The following THSD7B variants were observed in gnomAD, a reference collection of about 807,000 sequenced individuals.
THSD7B encodes thrombospondin type-1 domain-containing protein 7B.
Under a neutral mutation model 213.6 loss-of-function variants are expected in THSD7B, and 138 were observed. The ratio of observed to expected loss-of-function variants is 0.65; its 90% CI spans 0.56 to 0.74. THSD7B has a LOEUF of 0.74. THSD7B is among the 30% of genes least tolerant of loss of function. The pLI, the probability that THSD7B is intolerant of heterozygous loss-of-function variation, is 0.00. For synonymous variants in THSD7B, 742 were observed against 687.0 expected, an observed-to-expected ratio of 1.08 and a Z score of -1.25; for missense variants, 1,931 against 1,991.5, an observed-to-expected ratio of 0.97 and a Z score of 0.58.
chr2:137,521,061 G>A (rs1680174896), intron 15 of THSD7B, among the ~76,000 whole-genome samples: 2 of 152,142 alleles, frequency 1.3e-5, no homozygotes, highest in Non-Finnish European at 2.9e-5. Context: ...CTGCTTGGTA[G>A]TATCACCGGA....
At chr2:137,625,464 T>G (rs1682606886) in intron 20 of THSD7B, among the ~76,000 whole-genome samples, 1 of 135,124 alleles carries the variant, frequency 7.4e-6, no homozygotes, top group Non-Finnish European at 1.5e-5. Context: ...CCCTAGAACT[T>G]GAAGTATAAT....
chr2:137,142,977 T>A (rs925735136), intron 5 of THSD7B, among the ~76,000 whole-genome samples: 2 of 152,172 alleles, frequency 1.3e-5, no homozygotes, highest in African/African-American at 4.8e-5. Flanking sequence ...TATTTCAATG[T>A]TGAACTATCC....
chr2:137,093,222 C>G (rs1293857702), intron 3 of THSD7B, among the ~76,000 whole-genome samples: 2 of 151,788 alleles, frequency 1.3e-5, no homozygotes, highest in East Asian at 3.9e-4. Flanking sequence ...GACAGGAAGC[C>G]CTTCCAGAGC....
chr2:137,673,830 A>C (rs1683634792), intron 27 of THSD7B, among the ~76,000 whole-genome samples: 2 of 152,164 alleles, frequency 1.3e-5, no homozygotes, highest in South Asian at 4.1e-4. Context: ...AACTTCTCAG[A>C]TCTCATGTAT....
chr2:137,434,161 C>T (rs971111588), intron 14 of THSD7B, among the ~76,000 whole-genome samples: 1 of 152,194 alleles, frequency 6.6e-6, no homozygotes, highest in Non-Finnish European at 1.5e-5. Context: ...GGCACTGATA[C>T]ATTAATCAAC....
intron 12 of THSD7B, among the ~76,000 whole-genome samples, chr2:137,391,885 A>G (rs963760139): frequency 8.5e-5 from 13 of 152,158 alleles, no homozygotes; most frequent in Non-Finnish European, 1.3e-4. Context: ...ATTTAATGCT[A>G]CAGACTTCTT....
chr2:137,132,368 A>G (rs1688752917), intron 5 of THSD7B, among the ~76,000 whole-genome samples: 1 of 148,914 alleles, frequency 6.7e-6, no homozygotes, highest in Admixed American at 6.7e-5. Flanking sequence ...AGGGTATTCA[A>G]TTTTTTTTTT....
chr2:137,258,882 G>T (rs2105080481), intron 10 of THSD7B, among the ~76,000 whole-genome samples: 1 of 151,254 alleles, frequency 6.6e-6, no homozygotes, highest in East Asian at 1.9e-4. Flanking sequence ...TCCCTCCCCT[G>T]TGTCCATGTG....
At chr2:137,471,596 G>T (rs959590303) in intron 15 of THSD7B, among the ~76,000 whole-genome samples, 8 of 151,924 alleles carry the variant, frequency 5.3e-5, no homozygotes, top group African/African-American at 1.9e-4. Context: ...CTACTCCTCA[G>T]GTCTAGGGGT....
intron 3 of THSD7B, among the ~76,000 whole-genome samples, chr2:137,062,294 T>C (rs1232543329): frequency 6.6e-6 from 1 of 151,678 alleles, no homozygotes; most frequent in Non-Finnish European, 1.5e-5. Flanking sequence ...GCTTTTGGTT[T>C]TGTTGATTTT....
intron 2 of THSD7B, among the ~76,000 whole-genome samples, chr2:136,978,720 G>A (rs1341273224): frequency 6.6e-6 from 1 of 152,198 alleles, no homozygotes; most frequent in Admixed American, 6.5e-5. Flanking sequence ...GCACACTGAT[G>A]GGTCTTGACT....
intron 17 of THSD7B, among the ~76,000 whole-genome samples, chr2:137,577,840 T>C (rs954965441): frequency 1.3e-5 from 2 of 152,112 alleles, no homozygotes; most frequent in African/African-American, 4.8e-5. Flanking sequence ...TTCAAAAAAT[T>C]AAAAACGTGA....
Position 137,025,166 on chromosome 2 carries a change from G to A in THSD7B, c.140-31254G>A, listed in dbSNP as rs191942152. The stretch of plus-strand genomic sequence containing the variant: ...GCTGGGAAGATCCAAATAACAGATG[G>A]CCCTGCCTCTCTCTTTTTTCTCACT... On this transcript the variant is annotated intron_variant, in intron 2 of 27. Coordinates refer to ENST00000409968, the MANE Select transcript of THSD7B (RefSeq NM_001316349.2). Among the ~76,000 whole-genome samples, 220 of 152,186 alleles carry A rather than the reference G, an allele frequency of 1.4e-3. 1 individual carries two copies. The highest frequency in any genetic ancestry group is 0.011 in the Admixed American group (173 of 15,278).
intron 12 of THSD7B, among the ~76,000 whole-genome samples, chr2:137,346,711 G>T (rs1684884240): frequency 6.6e-6 from 1 of 151,514 alleles, no homozygotes; most frequent in Non-Finnish European, 1.5e-5. Flanking sequence ...GGATAGTGTG[G>T]GTTTGCTGTA....
Position 136,898,527 on chromosome 2 carries a change from A to T in THSD7B, c.139+16210A>T, listed in dbSNP as rs978519942. Among the ~76,000 whole-genome samples the T allele has an allele frequency of 5.3e-5, 8 of 151,146 alleles. No individual in the cohort carries two copies. The East Asian group carries it at 1.4e-3, about 26-fold the overall frequency. On this transcript the variant is annotated intron_variant, in intron 2 of 27. Coordinates refer to ENST00000409968, the MANE Select transcript of THSD7B (RefSeq NM_001316349.2). ...TACTGCAAGTAAGTTTTACTCCAACATTTACTATCCAGAAAGTCTAGAAAA... is the reference window on the plus strand; with the variant it reads ...TACTGCAAGTAAGTTTTACTCCAACTTTTACTATCCAGAAAGTCTAGAAAA...
At chr2:136,793,828 T>C (rs1168918491) in intron 1 of THSD7B, among the ~76,000 whole-genome samples, 1 of 151,864 alleles carries the variant, frequency 6.6e-6, no homozygotes, top group Non-Finnish European at 1.5e-5. Context: ...TTTTATTCCA[T>C]AAGGGAGTAT....
chr2:137,665,879 GA>G, intron 26 of THSD7B, among the ~76,000 whole-genome samples: 1 of 151,850 alleles, frequency 6.6e-6, no homozygotes, highest in South Asian at 2.1e-4. Flanking sequence ...TTTAGTGAAA[GA>G]AAAAGTACAA....
At chr2:137,046,816 C>T (rs193160130) in intron 2 of THSD7B, among the ~76,000 whole-genome samples, 312 of 151,372 alleles carry the variant, frequency 2.1e-3, no homozygotes, top group African/African-American at 7.3e-3. Context: ...TTGGGGGAAC[C>T]GAAAGGTGGC....
chr2:136,778,884 T>C (rs1363973012), intron 1 of THSD7B, among the ~76,000 whole-genome samples: 1 of 152,110 alleles, frequency 6.6e-6, no homozygotes, highest in Non-Finnish European at 1.5e-5. Flanking sequence ...AGCTCTAAGG[T>C]AAGGGAGGAA....
Sources: gnomAD v4.1 joint callset for allele counts (sites outside exome capture counted in the v4.1 genomes callset) on GRCh38, gnomAD v4.1.1 for gene constraint, MANE v1.5 for transcripts, NCBI Gene and HGNC (gene_info 2026-07-23, HGNC 2026-07-21) for gene names.